Variants in ADARB2 observed in about 807,000 individuals in gnomAD.
ADARB2 encodes the protein adenosine deaminase RNA specific B2 (inactive), also known as inactive double-stranded RNA-specific editase B2.
In ADARB2, 25 loss-of-function variants were observed where a neutral mutation model predicts 62.2. That is an observed-to-expected ratio of 0.40 (90% CI 0.29 to 0.56). The LOEUF (loss-of-function observed/expected upper bound fraction) is 0.56. ADARB2 is among the 20% of genes least tolerant of loss of function. ADARB2 has a pLI of 0.43. For synonymous variants in ADARB2, 572 were observed against 500.8 expected (o/e 1.14, Z -1.90); for missense variants, 1,071 against 1,077.4 (o/e 0.99, Z 0.08).
intron 2 of ADARB2, among the ~76,000 whole-genome samples, chr10:1,372,006 G>A (rs1321017955): frequency 6.6e-6 from 1 of 152,120 alleles, no homozygotes; most frequent in Non-Finnish European, 1.5e-5. Flanking sequence ...AAAGACGCCT[G>A]TACGTGTATG....
chr10:1,243,277 A>G (rs2131777834), intron 4 of ADARB2, among the ~76,000 whole-genome samples: 1 of 152,356 alleles, frequency 6.6e-6, no homozygotes, highest in South Asian at 2.1e-4. Context: ...CAGCACGGAG[A>G]CGCGTTAGCC....
At chr10:1,247,014 A>T (rs1400655229) in intron 4 of ADARB2, among the ~76,000 whole-genome samples, 1 of 152,072 alleles carries the variant, frequency 6.6e-6, no homozygotes, top group Admixed American at 6.5e-5. Flanking sequence ...TTCATTGAGC[A>T]GTGGTTTGTA....
At chr10:1,390,744 C>T (rs1224609263) in intron 1 of ADARB2, among the ~76,000 whole-genome samples, 1 of 152,180 alleles carries the variant, frequency 6.6e-6, no homozygotes, top group Non-Finnish European at 1.5e-5. Flanking sequence ...AAGACAAAGT[C>T]CTTCAGAGCC....
intron 1 of ADARB2, among the ~76,000 whole-genome samples, chr10:1,585,873 A>C (rs1833170385): frequency 1.3e-5 from 2 of 152,128 alleles, no homozygotes; most frequent in African/African-American, 2.4e-5. Flanking sequence ...TCTCTACTAA[A>C]AATACAAAAA....
rs376461606 is a variant in ADARB2 at position 1,328,996 on chromosome 10, T to TAAAAAAAA, written c.1077+34024_1077+34031dup. 1.0e-3 allele frequency among the ~76,000 whole-genome samples: 78 copies of TAAAAAAAA among 75,678 alleles called. 3 individuals carry two copies. Among genetic ancestry groups the TAAAAAAAA allele is most frequent in the African/African-American group, 4.4e-3 (76 of 17,110 alleles). The allele number at this position is 75,678 out of a possible 152,430, so 49.6% of individuals were successfully genotyped here. On this transcript the variant is annotated intron_variant, in intron 3 of 9. Transcript: ENST00000381312. ...GGGGTGACAGAACAAGACCCTGTCT[T>TAAAAAAAA]AAAAAAAAAAAAAAAAAAAAAAAAA...
At chr10:1,430,767 T>G (rs1056633150) in intron 1 of ADARB2, among the ~76,000 whole-genome samples, 6 of 151,890 alleles carry the variant, frequency 4.0e-5, no homozygotes, top group Non-Finnish European at 7.4e-5. Context: ...AGTGTCTATA[T>G]GAAATTATAT....
intron 1 of ADARB2, among the ~76,000 whole-genome samples, chr10:1,479,637 A>T (rs34932932): frequency 0.012 from 1,792 of 152,272 alleles, 7 homozygotes; most frequent in Non-Finnish European, 0.019. Flanking sequence ...CCCTATAGGG[A>T]GGGGAGAGGC....
Position 1,200,086 on chromosome 10 carries a change from G to T in ADARB2, c.1744C>A (p.Gln582Lys). 6.4e-7 allele frequency: 1 copy of T among 1,571,764 alleles called. No homozygotes were observed. Among genetic ancestry groups the T allele is most frequent in the Non-Finnish European group, 8.6e-7 (1 of 1,160,604 alleles). Reference sequence around the variant, plus strand: ...TGCAGGCTGCCCACCACGATGCTCTGCAGGTACACGGGCTCCACGAAGTGG... The same window carrying T: ...TGCAGGCTGCCCACCACGATGCTCTTCAGGTACACGGGCTCCACGAAGTGG... ...LSHFVEPVYLQSIVVGSLHHT... is the reference protein window; with the variant it reads ...LSHFVEPVYLKSIVVGSLHHT... The change falls in exon 8 of 10, where the codon CAG (glutamine) becomes AAG (lysine). Residue 582 changes from glutamine to lysine, a missense_variant. Transcript: ENST00000381312.
intron 1 of ADARB2, among the ~76,000 whole-genome samples, chr10:1,382,420 A>G (rs1832491155): frequency 6.6e-6 from 1 of 152,234 alleles, no homozygotes; most frequent in Admixed American, 6.5e-5. Context: ...GAGAGAAGCA[A>G]TTATTTCCAA....
intron 1 of ADARB2, among the ~76,000 whole-genome samples, chr10:1,586,757 T>C (rs367656086): frequency 2.6e-5 from 4 of 152,222 alleles, no homozygotes; most frequent in Admixed American, 1.3e-4. Flanking sequence ...CTCATTACTG[T>C]AGCTGGGAAG....
chr10:1,190,722 C>T lies in ADARB2; in HGVS notation c.1865-5683G>A, dbSNP rs76735891. On this transcript the variant is annotated intron_variant, in intron 8 of 9. Transcript: ENST00000381312. ...TTCTCTGCATGTGCCATATCTCCCC[C>T]GCCTCCCTCTTCTAAGGACAGAGGT... Among the ~76,000 whole-genome samples, 284 of 152,340 alleles carry T rather than the reference C, an allele frequency of 1.9e-3. 1 individual carries two copies. The highest frequency in any genetic ancestry group is 5.4e-3 in the African/African-American group (226 of 41,576).
chr10:1,261,321 A>C (rs1360272858), intron 4 of ADARB2, among the ~76,000 whole-genome samples: 1 of 149,838 alleles, frequency 6.7e-6, no homozygotes, highest in Non-Finnish European at 1.5e-5. Context: ...ATTAAACTAA[A>C]GAGCTTCTGC....
At position 1,398,322 on chromosome 10, in the gene ADARB2, G is replaced by A. The variant is rs34447234; in HGVS notation, c.101-19162C>T. ...TGCTTCCTGCAATTGTGTCCAGGGCGCAGGAAGCTGCCCAGCACAGGCAGT... is the reference window on the plus strand; with the variant it reads ...TGCTTCCTGCAATTGTGTCCAGGGCACAGGAAGCTGCCCAGCACAGGCAGT... On this transcript the variant is annotated intron_variant, in intron 1 of 9. Coordinates refer to ENST00000381312, the MANE Select transcript of ADARB2 (RefSeq NM_018702.4). This position sits in a 1 kb window ranked among gnomAD's most constrained non-coding sequence, Gnocchi z 4.1. 0.29 allele frequency among the ~76,000 whole-genome samples: 43,819 copies of A among 152,200 alleles called. 7,073 individuals are homozygous for A. Among genetic ancestry groups the A allele is most frequent in the Non-Finnish European group, 0.36 (24,273 of 67,980 alleles).
chr10:1,230,494 G>A (rs1830794420), intron 6 of ADARB2, among the ~76,000 whole-genome samples: 1 of 152,176 alleles, frequency 6.6e-6, no homozygotes, highest in African/African-American at 2.4e-5. Context: ...TCTTTAAAGG[G>A]TAACAAAGAC....
Position 1,273,666 on chromosome 10 carries a change from A to G in ADARB2, c.1078-2597T>C, listed in dbSNP as rs369244588. ...TGGAGAAGAAGATGCAGGGGGACAG[A>G]GGCCCACAGAGTCCTGGAGCCCCAA... On this transcript the variant is annotated intron_variant, in intron 3 of 9. Transcript: ENST00000381312. 1.1e-4 allele frequency among the ~76,000 whole-genome samples: 16 copies of G among 152,304 alleles called. 1 individual carries two copies. In the East Asian group the frequency reaches 3.1e-3, roughly 29 times the overall value.
chr10:1,577,718 C>T (rs376163598), intron 1 of ADARB2, among the ~76,000 whole-genome samples: 6 of 152,258 alleles, frequency 3.9e-5, no homozygotes, highest in South Asian at 4.1e-4. Context: ...CAGGGAGCAG[C>T]CCAATGTGCT....
chr10:1,576,920 G>C (rs973552184), intron 1 of ADARB2, among the ~76,000 whole-genome samples: 1 of 152,182 alleles, frequency 6.6e-6, no homozygotes, highest in African/African-American at 2.4e-5. Flanking sequence ...GGTCTTGGAG[G>C]CAGTGAGGTG....
At chr10:1,312,692 C>T (rs1474997877) in intron 3 of ADARB2, among the ~76,000 whole-genome samples, 2 of 152,182 alleles carry the variant, frequency 1.3e-5, no homozygotes, top group Non-Finnish European at 2.9e-5. Context: ...GGAGGTGAGG[C>T]ACCTGCCCAA....
intron 3 of ADARB2, among the ~76,000 whole-genome samples, chr10:1,321,921 A>T (rs1363390732): frequency 1.3e-5 from 2 of 151,464 alleles, no homozygotes; most frequent in Non-Finnish European, 2.9e-5. Flanking sequence ...AGCATGAATG[A>T]GAAGGGGAGG....
Sources: gnomAD v4.1 joint callset for allele counts (sites outside exome capture counted in the v4.1 genomes callset) on GRCh38, gnomAD v4.1.1 for gene constraint, Gnocchi (gnomAD v3.1) non-coding constraint, MANE v1.5 for transcripts, NCBI Gene and HGNC (gene_info 2026-07-23, HGNC 2026-07-21) for gene names.